CAMK2D: variants seen among roughly 807,000 people sequenced by gnomAD.
The protein encoded by CAMK2D is calcium/calmodulin-dependent protein kinase type II subunit delta.
CAMK2D carries 37 observed loss-of-function variants against 84.0 expected under a neutral mutation model. The observed-to-expected ratio is 0.44, with a 90% confidence interval of 0.34 to 0.58. The LOEUF (loss-of-function observed/expected upper bound fraction) is 0.58, where lower values mean the gene tolerates loss of function less well. CAMK2D is among the 20% of genes least tolerant of loss of function. The pLI is 0.02. For synonymous variants in CAMK2D, 202 were observed against 212.5 expected (o/e 0.95, Z 0.43); for missense variants, 448 against 652.5 (o/e 0.69, Z 3.41).
rs189616108 is a variant in CAMK2D at position 113,553,757 on chromosome 4, T to C, written c.276-1661A>G. The stretch of plus-strand genomic sequence containing the variant: ...TCTAAAAACCATGGTTACATGTACG[T>C]AATTCCATTTAATAGCATAGCTATT... On this transcript the variant is annotated intron_variant, in intron 4 of 20. Transcript: ENST00000511664. 5.6e-4 allele frequency among the ~76,000 whole-genome samples: 85 copies of C among 152,376 alleles called. 1 individual carries two copies. The highest frequency in any genetic ancestry group is 3.4e-3 in the Middle Eastern group (1 of 294).
intron 2 of CAMK2D, among the ~76,000 whole-genome samples, chr4:113,694,339 T>C (rs2099396724): frequency 6.6e-6 from 1 of 152,214 alleles, no homozygotes. Flanking sequence ...GCTCTTGCAA[T>C]GAAGCTGCCC....
At chr4:113,591,410 C>A (rs529439550) in intron 4 of CAMK2D, among the ~76,000 whole-genome samples, 1 of 152,152 alleles carries the variant, frequency 6.6e-6, no homozygotes, top group Admixed American at 6.5e-5. Flanking sequence ...ATCATCATAT[C>A]TATTACTTTT....
chr4:113,618,935 C>G (rs1182568288), intron 3 of CAMK2D, among the ~76,000 whole-genome samples: 1 of 152,140 alleles, frequency 6.6e-6, no homozygotes, highest in Non-Finnish European at 1.5e-5. Context: ...AATGATGTTT[C>G]TAAAGTAAAG....
At chr4:113,647,825 GAATGGCAGATTTATAT>G (rs1467115433) in intron 3 of CAMK2D, among the ~76,000 whole-genome samples, 2 of 152,146 alleles carry the variant, frequency 1.3e-5, no homozygotes, top group Non-Finnish European at 2.9e-5. Flanking sequence ...ATTTAATTTT[GAATGGCAGATTTATAT>G]AAGAAATATC....
At chr4:113,717,544 G>GA (rs1238274381) in intron 2 of CAMK2D, among the ~76,000 whole-genome samples, 2 of 151,886 alleles carry the variant, frequency 1.3e-5, no homozygotes, top group Non-Finnish European at 2.9e-5. Flanking sequence ...ATAAGCAAAG[G>GA]AAAAATAAAA....
intron 2 of CAMK2D, among the ~76,000 whole-genome samples, chr4:113,713,426 A>G (rs2099500530): frequency 6.7e-6 from 1 of 148,536 alleles, no homozygotes; most frequent in South Asian, 2.1e-4. Flanking sequence ...TATATTATAT[A>G]TAATTAAATG....
At chr4:113,645,263 G>A (rs112930415) in intron 3 of CAMK2D, among the ~76,000 whole-genome samples, 221 of 152,220 alleles carry the variant, frequency 1.5e-3, no homozygotes, top group African/African-American at 4.9e-3. Flanking sequence ...TGATCCGCCC[G>A]CCTCAGCCTC....
At chr4:113,696,026 C>T (rs1487384278) in intron 2 of CAMK2D, among the ~76,000 whole-genome samples, 1 of 152,070 alleles carries the variant, frequency 6.6e-6, no homozygotes, top group Non-Finnish European at 1.5e-5. Flanking sequence ...AGGACCTTTG[C>T]ACCTCCTGAC....
chr4:113,639,688 C>A (rs1347862648), intron 3 of CAMK2D, among the ~76,000 whole-genome samples: 1 of 151,076 alleles, frequency 6.6e-6, no homozygotes, highest in African/African-American at 2.4e-5. Flanking sequence ...GCGTCTCCCA[C>A]CAAGAGAATG....
chr4:113,581,544 G>GAAAAGAAAAT (rs2098810164), intron 4 of CAMK2D, among the ~76,000 whole-genome samples: 1 of 143,392 alleles, frequency 7.0e-6, no homozygotes, highest in Non-Finnish European at 1.5e-5. Context: ...GAAAAGAAAA[G>GAAAAGAAAAT]AAAAGAAAAA....
intron 16 of CAMK2D, among the ~76,000 whole-genome samples, chr4:113,484,089 TA>T (rs2097736414): frequency 6.6e-6 from 1 of 152,074 alleles, no homozygotes; most frequent in Non-Finnish European, 1.5e-5. Context: ...TGTTGAAAAT[TA>T]CACATTTTAC....
rs533261596 is a variant in CAMK2D at position 113,544,250 on chromosome 4, A to G, written c.414+3394T>C. 1.1e-3 allele frequency among the ~76,000 whole-genome samples: 166 copies of G among 152,222 alleles called. 1 individual carries two copies. Among genetic ancestry groups the G allele is most frequent in the African/African-American group, 3.5e-3 (146 of 41,538 alleles). The stretch of plus-strand genomic sequence containing the variant: ...TTATATCTTATTTTCTTTATTCCCA[A>G]TGACACAGATTTTGTTTATCTCTGG... On this transcript the variant is annotated intron_variant, in intron 6 of 20. Transcript: ENST00000511664.
intron 4 of CAMK2D, among the ~76,000 whole-genome samples, chr4:113,604,257 T>G (rs553519731): frequency 6.6e-6 from 1 of 152,184 alleles, no homozygotes; most frequent in Admixed American, 6.5e-5. Flanking sequence ...CTTTAAGATA[T>G]CAATGTATAT....
At chr4:113,617,689 G>A (rs1370315303) in intron 3 of CAMK2D, among the ~76,000 whole-genome samples, 1 of 149,518 alleles carries the variant, frequency 6.7e-6, no homozygotes, top group Non-Finnish European at 1.5e-5. Context: ...AATTTGAAAT[G>A]GGGTCTTGCT....
At chr4:113,591,251 G>C (rs998687571) in intron 4 of CAMK2D, among the ~76,000 whole-genome samples, 1 of 151,482 alleles carries the variant, frequency 6.6e-6, no homozygotes, top group Non-Finnish European at 1.5e-5. Context: ...CAATGTCATT[G>C]CATTAACTGT....
At chr4:113,544,252 G>A (rs2154193500) in intron 6 of CAMK2D, among the ~76,000 whole-genome samples, 1 of 152,196 alleles carries the variant, frequency 6.6e-6, no homozygotes, top group Middle Eastern at 3.4e-3. Context: ...TATTCCCAAT[G>A]ACACAGATTT....
chr4:113,494,097 C>G (rs1166952120), intron 16 of CAMK2D, among the ~76,000 whole-genome samples: 1 of 152,188 alleles, frequency 6.6e-6, no homozygotes, highest in Non-Finnish European at 1.5e-5. Context: ...AATGTCCTCC[C>G]GTAGCTCAGA....
At chr4:113,660,943 C>T (rs2099228343) in intron 3 of CAMK2D, among the ~76,000 whole-genome samples, 1 of 151,634 alleles carries the variant, frequency 6.6e-6, no homozygotes, top group Non-Finnish European at 1.5e-5. Context: ...CTACAGGCGC[C>T]CGCCACCACG....
At chr4:113,500,348 T>G in intron 16 of CAMK2D, 115 bp downstream of exon 16, 2 of 506,376 alleles carry the variant, frequency 3.9e-6, no homozygotes, top group Non-Finnish European at 7.0e-6. Flanking sequence ...TAAAATATTT[T>G]TGTGCTTTAG....
Sources: gnomAD v4.1 joint callset for allele counts (sites outside exome capture counted in the v4.1 genomes callset) on GRCh38, gnomAD v4.1.1 for gene constraint, MANE v1.5 for transcripts, NCBI Gene and HGNC (gene_info 2026-07-23, HGNC 2026-07-21) for gene names.